The following CYRIA variants were observed in gnomAD, a reference collection of about 807,000 sequenced individuals.
CYRIA encodes CYFIP-related Rac1 interactor A.
Under a neutral mutation model 43.9 loss-of-function variants are expected in CYRIA, and 15 were observed. That is an observed-to-expected ratio of 0.34 (90% confidence interval 0.23 to 0.53). The LOEUF (loss-of-function observed/expected upper bound fraction) is 0.53. Among genes scored for constraint, CYRIA ranks in the 20% least tolerant of loss-of-function variants. The probability of loss-of-function intolerance (pLI) is 0.94; values close to 1 mark genes in which losing one functional copy is unlikely to be tolerated. For missense variants in CYRIA, 236 were observed against 394.2 expected, an observed-to-expected ratio of 0.60 and a Z score of 3.40; for synonymous variants, 117 against 136.0, an observed-to-expected ratio of 0.86 and a Z score of 0.97.
chr2:16,561,953 A>T (rs1666750953), intron 6 of CYRIA, 52 bp downstream of exon 6: 1 of 1,559,554 alleles, frequency 6.4e-7, no homozygotes, highest in Non-Finnish European at 8.7e-7. Context: ...AGCTGTAAAC[A>T]GTAGGTACTC....
chr2:16,664,963 G>A (rs1468232104), intron 1 of CYRIA, among the ~76,000 whole-genome samples: 2 of 152,146 alleles, frequency 1.3e-5, no homozygotes, highest in African/African-American at 2.4e-5. Context: ...TTCTGGGGAT[G>A]CGTGGGGAAA....
chr2:16,639,699 G>A (rs895338308), intron 1 of CYRIA, among the ~76,000 whole-genome samples: 1 of 152,226 alleles, frequency 6.6e-6, no homozygotes, highest in Non-Finnish European at 1.5e-5. Context: ...GCTGCCACTG[G>A]GGGGAAGAGC....
At chr2:16,630,162 G>A (rs1269718872) in intron 1 of CYRIA, among the ~76,000 whole-genome samples, 1 of 152,176 alleles carries the variant, frequency 6.6e-6, no homozygotes, top group Non-Finnish European at 1.5e-5. Flanking sequence ...GCTGGAAATG[G>A]CAGTGCTCCT....
rs759954624 is a variant in CYRIA, at chr2:16,565,744, T to A, written c.94A>T (p.Arg32Ter). ...FENAQPTEGE[R>*]EIWNQISAVL... ...GCGCTGATCTGGTTCCAGATTTCTC[T>A]CTCTCCTTCTGTAGGCTGAGCATCT... is the stretch of plus-strand genomic sequence containing the variant. The change falls in exon 4 of 12, where the codon AGA (arginine) becomes TGA (stop). Residue 32 changes from arginine to a stop codon, truncating the protein, a stop_gained. Coordinates refer to ENST00000381323, the MANE Select transcript of CYRIA (RefSeq NM_030797.4). LOFTEE classifies it high-confidence loss of function. 1 of 1,582,506 alleles carries A rather than the reference T, an allele frequency of 6.3e-7. No homozygotes were observed. The highest frequency in any genetic ancestry group is 8.6e-7 in the Non-Finnish European group (1 of 1,156,086).
At chr2:16,557,543 T>TA (rs35620535) in intron 10 of CYRIA, among the ~76,000 whole-genome samples, 2,135 of 150,484 alleles carry the variant, frequency 0.014, 36 homozygotes, top group African/African-American at 0.038. Flanking sequence ...CTATATGTCG[T>TA]AAAAAAAAAA....
At chr2:16,575,751 G>C (rs1667316310) in intron 3 of CYRIA, among the ~76,000 whole-genome samples, 1 of 151,990 alleles carries the variant, frequency 6.6e-6, no homozygotes, top group Non-Finnish European at 1.5e-5. Context: ...AGCTACTCGG[G>C]AGGCTGACGC....
intron 1 of CYRIA, among the ~76,000 whole-genome samples, chr2:16,655,689 T>G (rs997528494): frequency 6.6e-6 from 1 of 152,206 alleles, no homozygotes; most frequent in Non-Finnish European, 1.5e-5. Flanking sequence ...CAGCTTCTCC[T>G]GCTCCCTCCC....
rs1214138253 is a variant in CYRIA at position 16,643,010 on chromosome 2, A to G, written c.-166-18991T>C. ...CTTAAAGTTATTATTATTATTTATA[A>G]TAGTATACTATATATAATAATATAA... On this transcript the variant is annotated intron_variant, in intron 1 of 11. Coordinates refer to ENST00000381323, the MANE Select transcript of CYRIA (RefSeq NM_030797.4). Among the ~76,000 whole-genome samples the G allele has an allele frequency of 2.0e-5, 3 of 148,948 alleles. No individual in the cohort carries two copies. The East Asian group carries it at 5.8e-4, about 29-fold the overall frequency.
chr2:16,620,806 G>A (rs1000117408), intron 2 of CYRIA, among the ~76,000 whole-genome samples: 11 of 152,222 alleles, frequency 7.2e-5, no homozygotes, highest in Middle Eastern at 3.4e-3. Flanking sequence ...AGGATTCCCC[G>A]AGGCACAGTC....
At chr2:16,558,902 C>T (rs1031206991) in intron 10 of CYRIA, among the ~76,000 whole-genome samples, 9 of 151,894 alleles carry the variant, frequency 5.9e-5, no homozygotes, top group Admixed American at 5.9e-4. Flanking sequence ...TTAGATGAGG[C>T]GATGTTTGAA....
intron 2 of CYRIA, among the ~76,000 whole-genome samples, chr2:16,599,502 C>G (rs867005684): frequency 2.6e-5 from 3 of 116,634 alleles, no homozygotes; most frequent in Admixed American, 8.9e-5. Flanking sequence ...TTTCCAGGTG[C>G]GTCCGTCACC....
intron 3 of CYRIA, among the ~76,000 whole-genome samples, chr2:16,583,047 C>G (rs921490143): frequency 5.3e-5 from 8 of 152,118 alleles, no homozygotes; most frequent in African/African-American, 1.9e-4. Context: ...TTGATTAGAA[C>G]AGTCCTAGTG....
At chr2:16,656,174 C>A (rs1038547982) in intron 1 of CYRIA, among the ~76,000 whole-genome samples, 7 of 152,076 alleles carry the variant, frequency 4.6e-5, no homozygotes, top group Non-Finnish European at 8.8e-5. Context: ...TACACATACA[C>A]CTGTACACAT....
chr2:16,626,137 G>A (rs142273606), intron 1 of CYRIA, among the ~76,000 whole-genome samples: 1 of 152,144 alleles, frequency 6.6e-6, no homozygotes, highest in African/African-American at 2.4e-5. Context: ...ACACAGAGAT[G>A]ACCCTAATAA....
At chr2:16,577,579 G>T (rs535252360) in intron 3 of CYRIA, among the ~76,000 whole-genome samples, 11 of 152,290 alleles carry the variant, frequency 7.2e-5, no homozygotes, top group African/African-American at 2.6e-4. Context: ...GTTTGACAGA[G>T]AAATGGTAAA....
At chr2:16,561,606 G>T in intron 6 of CYRIA, 73 bp from the exon 7 acceptor site, 1 of 1,152,780 alleles carries the variant, frequency 8.7e-7, no homozygotes, top group Non-Finnish European at 1.3e-6. Flanking sequence ...GAGGAGCCCA[G>T]ACACTAGATT....
chr2:16,591,153 T>C (rs143644955), intron 2 of CYRIA, among the ~76,000 whole-genome samples: 7 of 152,196 alleles, frequency 4.6e-5, no homozygotes, highest in Admixed American at 3.9e-4. Flanking sequence ...GCTTATTTTT[T>C]TATTATTTTA....
intron 1 of CYRIA, among the ~76,000 whole-genome samples, chr2:16,662,066 TCTC>T (rs1670270061): frequency 6.6e-6 from 1 of 152,186 alleles, no homozygotes; most frequent in Non-Finnish European, 1.5e-5. Context: ...TCAAATTTGT[TCTC>T]CTTTGAAAAA....
chr2:16,613,496 G>T (rs79531888), intron 2 of CYRIA, among the ~76,000 whole-genome samples: 1 of 150,222 alleles, frequency 6.7e-6, no homozygotes, highest in African/African-American at 2.5e-5. Flanking sequence ...TATGCTAAGC[G>T]CTACATGCAA....
Sources: gnomAD v4.1 joint callset for allele counts (sites outside exome capture counted in the v4.1 genomes callset) on GRCh38, gnomAD v4.1.1 for gene constraint, MANE v1.5 for transcripts, NCBI Gene and HGNC (gene_info 2026-07-23, HGNC 2026-07-21) for gene names.